Variants in PTCHD4 observed in about 807,000 individuals in gnomAD.
PTCHD4 encodes the protein patched domain-containing protein 4.
Under a neutral mutation model 58.1 loss-of-function variants are expected in PTCHD4, and 33 were observed. That is an observed-to-expected ratio of 0.57 (90% CI 0.43 to 0.76). The LOEUF (loss-of-function observed/expected upper bound fraction) is 0.76. PTCHD4 is among the 30% of genes least tolerant of loss of function. PTCHD4 has a pLI of 0.00. For synonymous variants in PTCHD4, 478 were observed against 409.6 expected, an observed-to-expected ratio of 1.17 and a Z score of -2.02; for missense variants, 1,058 against 1,027.1, an observed-to-expected ratio of 1.03 and a Z score of -0.41.
chr6:47,988,415 A>G (rs1053487676), intron 4 of PTCHD4, among the ~76,000 whole-genome samples: 2 of 152,204 alleles, frequency 1.3e-5, no homozygotes, highest in African/African-American at 4.8e-5. Context: ...CAAGAAACCT[A>G]TACCAATGAC....
chr6:47,984,059 T>C (rs1767979917), intron 4 of PTCHD4, among the ~76,000 whole-genome samples: 1 of 152,190 alleles, frequency 6.6e-6, no homozygotes, highest in Non-Finnish European at 1.5e-5. Context: ...TTATTAGAAA[T>C]ATATTTGCAT....
chr6:47,952,373 G>T (rs1399019102), intron 4 of PTCHD4, among the ~76,000 whole-genome samples: 1 of 152,084 alleles, frequency 6.6e-6, no homozygotes, highest in Admixed American at 6.6e-5. Context: ...AACACCAAAA[G>T]TTATGAGTTC....
At chr6:48,033,364 C>A (rs1347849305) in intron 3 of PTCHD4, among the ~76,000 whole-genome samples, 1 of 151,912 alleles carries the variant, frequency 6.6e-6, no homozygotes, top group Non-Finnish European at 1.5e-5. Context: ...TTCTGGTAAT[C>A]TTTGGAGCCT....
At chr6:48,004,898 C>T (rs1762375675) in intron 4 of PTCHD4, among the ~76,000 whole-genome samples, 1 of 152,026 alleles carries the variant, frequency 6.6e-6, no homozygotes, top group African/African-American at 2.4e-5. Context: ...GCCTGGGTGA[C>T]AGAGCGAGAC....
intron 3 of PTCHD4, among the ~76,000 whole-genome samples, chr6:48,060,421 C>T (rs1012142941): frequency 2.0e-5 from 3 of 152,108 alleles, no homozygotes; most frequent in African/African-American, 7.2e-5. Flanking sequence ...CTATGAGAGC[C>T]CTTTACATAC....
chr6:47,914,708 G>GTCTC (rs1382005950), intron 4 of PTCHD4, among the ~76,000 whole-genome samples: 2 of 82,458 alleles, frequency 2.4e-5, no homozygotes, highest in African/African-American at 3.5e-5. Flanking sequence ...CTGTCTGTCT[G>GTCTC]TCTCTCTGTC....
intron 3 of PTCHD4, among the ~76,000 whole-genome samples, chr6:48,018,627 A>G (rs560050200): frequency 6.6e-6 from 1 of 152,322 alleles, no homozygotes; most frequent in African/African-American, 2.4e-5. Flanking sequence ...GAATTAAATT[A>G]TTTCTTAGAT....
chr6:47,940,653 A>G (rs771661471), intron 4 of PTCHD4, among the ~76,000 whole-genome samples: 1 of 152,170 alleles, frequency 6.6e-6, no homozygotes, highest in Non-Finnish European at 1.5e-5. Flanking sequence ...TCCCTTCACC[A>G]CTTACTGTGC....
chr6:47,894,932 G>A (rs1764488405), intron 4 of PTCHD4, among the ~76,000 whole-genome samples: 1 of 152,124 alleles, frequency 6.6e-6, no homozygotes, highest in African/African-American at 2.4e-5. Context: ...AGGAGTTTAA[G>A]TCCACCCTGG....
At chr6:48,092,122 C>T (rs1765378399) in intron 1 of PTCHD4, among the ~76,000 whole-genome samples, 1 of 152,106 alleles carries the variant, frequency 6.6e-6, no homozygotes, top group African/African-American at 2.4e-5. Context: ...GGTTCATCTA[C>T]CCTGAACAAA....
intron 4 of PTCHD4, among the ~76,000 whole-genome samples, chr6:47,889,654 T>A (rs886689598): frequency 4.0e-5 from 6 of 151,634 alleles, no homozygotes; most frequent in African/African-American, 1.5e-4. Flanking sequence ...TAGCCATATG[T>A]AGAAAGCCGA....
intron 3 of PTCHD4, among the ~76,000 whole-genome samples, chr6:48,044,362 A>AT (rs1197711118): frequency 1.3e-5 from 2 of 151,820 alleles, no homozygotes; most frequent in Admixed American, 6.6e-5. Context: ...ACATTTGTCT[A>AT]TTTTTTTCTT....
At chr6:47,916,323 C>T (rs7754937) in intron 4 of PTCHD4, among the ~76,000 whole-genome samples, 86,036 of 151,614 alleles carry the variant, frequency 0.57, 25,662 homozygotes, top group East Asian at 0.78. Context: ...CAAATGAGGT[C>T]ATAGCCCACC....
rs2114079032 is a variant in PTCHD4, at chr6:47,871,458, CAA to C, written c.*6843_*6844del. ...TACTGGGTAGACTGCTGCCTCTAAT[CAA>C]AGTCAGATTACTCTCTTTCTGAGTC... On this transcript the variant is annotated 3_prime_UTR_variant, in exon 5 of 5. Transcript: ENST00000339488. Among the ~76,000 whole-genome samples, 1 of 151,698 alleles carries C rather than the reference CAA, an allele frequency of 6.6e-6. No homozygotes were observed. Among genetic ancestry groups the C allele is most frequent in the East Asian group, 1.9e-4 (1 of 5,134 alleles).
chr6:48,025,744 C>G (rs1187855645), intron 3 of PTCHD4, among the ~76,000 whole-genome samples: 3 of 152,072 alleles, frequency 2.0e-5, no homozygotes, highest in African/African-American at 7.2e-5. Context: ...ATTGCTGTGT[C>G]AATGCATTGT....
At chr6:47,958,535 G>A (rs1368504934) in intron 4 of PTCHD4, among the ~76,000 whole-genome samples, 2 of 152,166 alleles carry the variant, frequency 1.3e-5, no homozygotes, top group African/African-American at 4.8e-5. Flanking sequence ...AATGGGAGGG[G>A]AACACTGGGC....
rs1763904406 is a variant in PTCHD4 at position 47,878,408 on chromosome 6, A to AG, written c.2426dup (p.Ser810PhefsTer20). 2 of 1,613,150 alleles carry AG rather than the reference A, an allele frequency of 1.2e-6. No individual in the cohort carries two copies. Among genetic ancestry groups the AG allele is most frequent in the Non-Finnish European group, 8.5e-7 (1 of 1,179,580 alleles). ...TCTTTTTCTTGTGGTGCTTTTTGGA[A>AG]GGGGGGAAAAACGTTAGGAACACAG... On this transcript the variant is annotated frameshift_variant, in exon 5 of 5. Transcript: ENST00000339488. LOFTEE classifies it high-confidence loss of function.
At chr6:47,989,704 A>C (rs532353375) in intron 4 of PTCHD4, among the ~76,000 whole-genome samples, 1 of 152,334 alleles carries the variant, frequency 6.6e-6, no homozygotes, top group South Asian at 2.1e-4. Flanking sequence ...AGGTTTCGGA[A>C]GATGTATGGA....
intron 3 of PTCHD4, among the ~76,000 whole-genome samples, chr6:48,013,433 A>T (rs186652293): frequency 3.7e-4 from 50 of 134,282 alleles, no homozygotes; most frequent in Non-Finnish European, 6.0e-4. Context: ...TAATTTTCCC[A>T]TCTTTTTCCT....
Sources: allele counts gnomAD v4.1 joint callset (sites outside exome capture counted in the v4.1 genomes callset), GRCh38; gene constraint gnomAD v4.1.1; transcripts MANE v1.5; gene names NCBI Gene and HGNC (gene_info 2026-07-23, HGNC 2026-07-21).